SEMA3D: variants seen among roughly 807,000 people sequenced by gnomAD.
The protein encoded by SEMA3D is semaphorin 3D, also known as semaphorin-3D.
In SEMA3D, 84 loss-of-function variants were observed where a neutral mutation model predicts 100.1. The observed-to-expected ratio is 0.84, with a 90% confidence interval of 0.70 to 1.01. The LOEUF (loss-of-function observed/expected upper bound fraction) is 1.01. Ranked by LOEUF, SEMA3D falls within the 50% of genes least tolerant of loss-of-function variation. The pLI, the probability that SEMA3D is intolerant of heterozygous loss-of-function variation, is 0.00. For missense variants in SEMA3D, 875 were observed against 934.1 expected (o/e 0.94, Z 0.82); for synonymous variants, 312 against 320.7 (o/e 0.97, Z 0.29).
chr7:85,049,257 AT>A (rs995231365), intron 9 of SEMA3D, among the ~76,000 whole-genome samples: 13 of 149,816 alleles, frequency 8.7e-5, no homozygotes, highest in South Asian at 6.3e-4. Context: ...TTTCAAGGCA[AT>A]TTTTTTTTTC....
chr7:85,239,520 T>C, the SEMA3D span, among the ~76,000 whole-genome samples: 1 of 152,172 alleles, frequency 6.6e-6, no homozygotes, highest in Non-Finnish European at 1.5e-5. Flanking sequence ...CACAGTGTCA[T>C]AGCAGCACAA....
chr7:85,200,793 A>G, the SEMA3D span, among the ~76,000 whole-genome samples: 2 of 152,176 alleles, frequency 1.3e-5, no homozygotes, highest in Non-Finnish European at 1.5e-5. Context: ...CTTGGGGGAA[A>G]AAATGGTTTA....
chr7:85,093,595 T>C (rs796574134), intron 4 of SEMA3D, among the ~76,000 whole-genome samples: 1 of 152,076 alleles, frequency 6.6e-6, no homozygotes, highest in African/African-American at 2.4e-5. Context: ...AATTTTCTTA[T>C]TTTTAAGCCA....
At chr7:85,135,470 A>C (rs1429350935) in intron 2 of SEMA3D, among the ~76,000 whole-genome samples, 10 of 151,836 alleles carry the variant, frequency 6.6e-5, no homozygotes, top group Non-Finnish European at 1.5e-4. Flanking sequence ...ACACTTGAAC[A>C]CAGGAAGGGG....
At chr7:85,246,843 G>A in the SEMA3D span, among the ~76,000 whole-genome samples, 3 of 151,694 alleles carry the variant, frequency 2.0e-5, no homozygotes, top group Admixed American at 6.6e-5. Flanking sequence ...ATGAGCCTCC[G>A]TATAGTAGCA....
the SEMA3D span, among the ~76,000 whole-genome samples, chr7:85,210,665 A>C: frequency 6.6e-6 from 1 of 152,158 alleles, no homozygotes; most frequent in African/African-American, 2.4e-5. Flanking sequence ...CATTCACTAG[A>C]ATTAAAGATT....
At chr7:85,066,821 C>T (rs1791633812) in intron 7 of SEMA3D, among the ~76,000 whole-genome samples, 2 of 151,282 alleles carry the variant, frequency 1.3e-5, no homozygotes, top group Admixed American at 1.3e-4. Flanking sequence ...TCTAAATAAG[C>T]TTTCAATGAA....
Position 85,130,330 on chromosome 7 carries a change from A to G in SEMA3D, c.-40-8399T>C, listed in dbSNP as rs187094240. On this transcript the variant is annotated intron_variant, in intron 2 of 18. Transcript: ENST00000284136. ...AATGAAAGAATTGTCCAGCACTCTTAGCAGTAATAGTTATTTAGTGAACAT... is the reference window on the plus strand; with the variant it reads ...AATGAAAGAATTGTCCAGCACTCTTGGCAGTAATAGTTATTTAGTGAACAT... Among the ~76,000 whole-genome samples the G allele has an allele frequency of 3.9e-5, 6 of 152,332 alleles. No homozygotes were observed. The East Asian group carries it at 1.2e-3, about 29-fold the overall frequency.
intron 1 of SEMA3D, among the ~76,000 whole-genome samples, chr7:85,182,528 A>G (rs1390317060): frequency 6.6e-6 from 1 of 152,140 alleles, no homozygotes; most frequent in Admixed American, 6.5e-5. Flanking sequence ...ACAAATTCCT[A>G]CCCTCAAGAT....
rs1032782590 is a variant in SEMA3D, at chr7:85,028,505, G to A, written c.1192-5892C>T. 4 of 350,758 alleles carry A rather than the reference G, an allele frequency of 1.1e-5. No individual in the cohort carries two copies. In the Admixed American group the frequency reaches 1.8e-4, roughly 16 times the overall value. The allele number at this position is 350,758 out of a possible 1,614,324, so 21.7% of individuals were successfully genotyped here. ...CTCTGAGGTGAAATCTACAGCCAGA[G>A]ACACCTACTTAGGTGGAGAGGACTT... is the stretch of plus-strand genomic sequence containing the variant. On this transcript the variant is annotated intron_variant, in intron 12 of 18. Transcript: ENST00000284136.
chr7:85,039,089 G>C (rs1790781760), intron 11 of SEMA3D, among the ~76,000 whole-genome samples: 1 of 152,138 alleles, frequency 6.6e-6, no homozygotes, highest in South Asian at 2.1e-4. Context: ...CATTGATAAA[G>C]TTTGAGAGCA....
chr7:85,149,896 C>T (rs981567310), intron 2 of SEMA3D, among the ~76,000 whole-genome samples: 2 of 152,126 alleles, frequency 1.3e-5, no homozygotes, highest in African/African-American at 4.8e-5. Context: ...ATTTATCAGA[C>T]ACTGTATTAA....
chr7:85,225,280 G>T, the SEMA3D span, among the ~76,000 whole-genome samples: 1 of 149,578 alleles, frequency 6.7e-6, no homozygotes, highest in Non-Finnish European at 1.5e-5. Flanking sequence ...CTTCTAATCT[G>T]TGATCCTCTT....
In SEMA3D at chr7:85,028,384, C is replaced by CAAAA. The variant is rs61589019; in HGVS notation, c.1192-5775_1192-5772dup. The CAAAA allele has an allele frequency of 7.9e-3, 1,455 of 183,784 alleles. 36 individuals are homozygous for CAAAA. The highest frequency in any genetic ancestry group is 0.049 in the African/African-American group (1,341 of 27,358). The allele number at this position is 183,784 out of a possible 1,614,324, so 11.4% of individuals were successfully genotyped here. Reference sequence around the variant, plus strand: ...TCGCTGCTATTGCTTACAGTTTAGACAAAAAAAAAAAAAAAAAAAGGTTGG... The same window carrying CAAAA: ...TCGCTGCTATTGCTTACAGTTTAGACAAAAAAAAAAAAAAAAAAAAAAAGGTTGG... On this transcript the variant is annotated intron_variant, in intron 12 of 18. Transcript: ENST00000284136.
At chr7:85,015,658 C>T (rs192751247) in intron 15 of SEMA3D, among the ~76,000 whole-genome samples, 4 of 151,840 alleles carry the variant, frequency 2.6e-5, no homozygotes, top group Admixed American at 2.6e-4. Context: ...TTCAATTAAC[C>T]ATTTCATTTG....
chr7:85,160,628 C>T (rs1302525722), intron 1 of SEMA3D, among the ~76,000 whole-genome samples: 1 of 152,026 alleles, frequency 6.6e-6, no homozygotes, highest in Non-Finnish European at 1.5e-5. Context: ...TGGGACCCTC[C>T]TAAACAGGAC....
chr7:85,188,988 C>T (rs1791636450), upstream of SEMA3D, among the ~76,000 whole-genome samples: 1 of 151,782 alleles, frequency 6.6e-6, no homozygotes, highest in South Asian at 2.1e-4. Context: ...ATGCCTGTGA[C>T]ATTGTATTGT....
At chr7:85,171,855 T>C (rs1238181690) in intron 1 of SEMA3D, among the ~76,000 whole-genome samples, 2 of 151,930 alleles carry the variant, frequency 1.3e-5, no homozygotes, top group Admixed American at 1.3e-4. Flanking sequence ...GACTCAGTTT[T>C]AGTCTTTAAA....
At chr7:85,124,268 C>A in intron 2 of SEMA3D, among the ~76,000 whole-genome samples, 1 of 151,858 alleles carries the variant, frequency 6.6e-6, no homozygotes, top group East Asian at 1.9e-4. Flanking sequence ...TACCAGTATT[C>A]TTTGACTTAC....
Sources: gnomAD v4.1 joint callset for allele counts (sites outside exome capture counted in the v4.1 genomes callset) on GRCh38, gnomAD v4.1.1 for gene constraint, MANE v1.5 for transcripts, NCBI Gene and HGNC (gene_info 2026-07-23, HGNC 2026-07-21) for gene names.